MAP2K5: variants seen among roughly 807,000 people sequenced by gnomAD.
MAP2K5 encodes dual specificity mitogen-activated protein kinase kinase 5.
In MAP2K5, 49 loss-of-function variants were observed where a neutral mutation model predicts 83.1. The ratio of observed to expected loss-of-function variants is 0.59; its 90% CI spans 0.47 to 0.75. MAP2K5 has a LOEUF of 0.75. Ranked by LOEUF, MAP2K5 falls within the 30% of genes least tolerant of loss-of-function variation. The probability of loss-of-function intolerance (pLI) is 0.00; values close to 1 mark genes in which losing one functional copy is unlikely to be tolerated. For synonymous variants in MAP2K5, 202 were observed against 191.8 expected, an observed-to-expected ratio of 1.05 and a Z score of -0.44; for missense variants, 457 against 557.5, an observed-to-expected ratio of 0.82 and a Z score of 1.82.
intron 6 of MAP2K5, among the ~76,000 whole-genome samples, chr15:67,590,902 G>T (rs988704878): frequency 6.6e-6 from 1 of 152,218 alleles, no homozygotes; most frequent in Non-Finnish European, 1.5e-5. Context: ...AGGGTGAGAA[G>T]AGAGTGGAGT....
rs990760166 is a variant in MAP2K5, at chr15:67,793,369, G to A, written c.1243-13277G>A. Among the ~76,000 whole-genome samples the A allele has an allele frequency of 3.3e-5, 5 of 152,174 alleles. No individual in the cohort carries two copies. Among genetic ancestry groups the A allele is most frequent in the African/African-American group, 1.2e-4 (5 of 41,438 alleles). ...TACCAGTATCTCCTGATATTGACAC[G>A]AGTAGGGCCATTTGTCCCTAGGCTG... On this transcript the variant is annotated intron_variant, in intron 21 of 21. Transcript: ENST00000178640. The surrounding 1 kb of genome is among the most constrained non-coding windows in gnomAD (Gnocchi z 4.6).
At chr15:67,600,955 A>C (rs553672644) in intron 8 of MAP2K5, among the ~76,000 whole-genome samples, 2 of 151,962 alleles carry the variant, frequency 1.3e-5, no homozygotes, top group East Asian at 1.9e-4. Context: ...CGAGTCTGCA[A>C]CTCTCCTGGG....
intron 15 of MAP2K5, among the ~76,000 whole-genome samples, chr15:67,697,034 A>T (rs2088281916): frequency 6.6e-6 from 1 of 152,204 alleles, no homozygotes; most frequent in Non-Finnish European, 1.5e-5. Context: ...TGATGATTCA[A>T]ACAGTATGTG....
intron 16 of MAP2K5, among the ~76,000 whole-genome samples, chr15:67,712,093 A>G (rs1337979841): frequency 6.6e-6 from 1 of 152,246 alleles, no homozygotes; most frequent in Admixed American, 6.5e-5. Flanking sequence ...CTGGCACCAT[A>G]GAAGTCTGGG....
intron 19 of MAP2K5, among the ~76,000 whole-genome samples, chr15:67,753,381 T>G (rs2089764944): frequency 6.6e-6 from 1 of 152,178 alleles, no homozygotes; most frequent in Non-Finnish European, 1.5e-5. Flanking sequence ...CAAAGGACAC[T>G]ATCAAGACAG....
intron 13 of MAP2K5, among the ~76,000 whole-genome samples, chr15:67,682,006 G>T (rs1472943189): frequency 6.6e-6 from 1 of 152,118 alleles, no homozygotes; most frequent in Admixed American, 6.5e-5. Context: ...CAGAAGAAAG[G>T]CTGTGATGTT....
chr15:67,647,045 T>C (rs1448086213), intron 11 of MAP2K5, among the ~76,000 whole-genome samples: 1 of 152,224 alleles, frequency 6.6e-6, no homozygotes. Flanking sequence ...TAGGGACATA[T>C]CAGTGAAATG....
At chr15:67,789,600 G>C (rs2090479155) in intron 21 of MAP2K5, among the ~76,000 whole-genome samples, 1 of 152,000 alleles carries the variant, frequency 6.6e-6, no homozygotes, top group Admixed American at 6.6e-5. Flanking sequence ...TGTAATTCCA[G>C]CTACTCTGGA....
rs938528196 is a variant in MAP2K5 at position 67,736,313 on chromosome 15, G to A, written c.1074+8368G>A. The stretch of plus-strand genomic sequence containing the variant: ...GAGGACAGTTGGCACATGCCCCTGA[G>A]GGGTTCCCTGCCACCCTTTATGAAT... On this transcript the variant is annotated intron_variant, in intron 17 of 21. Coordinates refer to ENST00000178640, the MANE Select transcript of MAP2K5 (RefSeq NM_145160.3). The surrounding 1 kb of genome is among the most constrained non-coding windows in gnomAD (Gnocchi z 4.3). Among the ~76,000 whole-genome samples the A allele has an allele frequency of 3.3e-5, 5 of 152,234 alleles. No homozygotes were observed. Among genetic ancestry groups the A allele is most frequent in the Non-Finnish European group, 5.9e-5 (4 of 68,048 alleles).
intron 8 of MAP2K5, among the ~76,000 whole-genome samples, chr15:67,607,258 C>T (rs2085798624): frequency 1.3e-5 from 2 of 152,132 alleles, no homozygotes; most frequent in Admixed American, 1.3e-4. Context: ...ATTATAGTAT[C>T]GTGACAAGCA....
At chr15:67,792,426 C>T (rs1054113942) in intron 21 of MAP2K5, among the ~76,000 whole-genome samples, 8 of 152,100 alleles carry the variant, frequency 5.3e-5, no homozygotes, top group Admixed American at 5.2e-4. Flanking sequence ...AAAAATGTTG[C>T]TCTGTATCAA....
At chr15:67,723,601 A>G (rs1168454514) in intron 16 of MAP2K5, among the ~76,000 whole-genome samples, 1 of 152,120 alleles carries the variant, frequency 6.6e-6, no homozygotes, top group Admixed American at 6.6e-5. Flanking sequence ...AGAATCCCTT[A>G]TCTCTACCTC....
Position 67,638,334 on chromosome 15 carries a change from G to C in MAP2K5, c.585+7407G>C, listed in dbSNP as rs2086647705. 2.0e-5 allele frequency among the ~76,000 whole-genome samples: 3 copies of C among 152,164 alleles called. No individual in the cohort carries two copies. Among genetic ancestry groups the C allele is most frequent in the Admixed American group, 2.0e-4 (3 of 15,282 alleles). The stretch of plus-strand genomic sequence containing the variant: ...GAGAACATGTGGTATTCGGTTTCCT[G>C]TTCTTGTGTTAGTTTGCTAAAGATG... On this transcript the variant is annotated intron_variant, in intron 9 of 21. Coordinates refer to ENST00000178640, the MANE Select transcript of MAP2K5 (RefSeq NM_145160.3). This position sits in a 1 kb window ranked among gnomAD's most constrained non-coding sequence, Gnocchi z 4.5.
chr15:67,742,238 G>A (rs1269495196), intron 17 of MAP2K5, among the ~76,000 whole-genome samples: 1 of 152,156 alleles, frequency 6.6e-6, no homozygotes, highest in African/African-American at 2.4e-5. Context: ...GAGAATCATT[G>A]GAATCTCATC....
rs534639763 is a variant in MAP2K5, at chr15:67,764,058, G to A, written c.1135-5544G>A. ...CCTGTTGGCTTGGTGGCTTGACACCGTAAGTCTAGAAGTGGGCTATTAAAA... is the reference window on the plus strand; with the variant it reads ...CCTGTTGGCTTGGTGGCTTGACACCATAAGTCTAGAAGTGGGCTATTAAAA... On this transcript the variant is annotated intron_variant, in intron 19 of 21. Coordinates refer to ENST00000178640, the MANE Select transcript of MAP2K5 (RefSeq NM_145160.3). The surrounding 1 kb of genome is among the most constrained non-coding windows in gnomAD (Gnocchi z 4.9). Among the ~76,000 whole-genome samples, 7 of 152,324 alleles carry A rather than the reference G, an allele frequency of 4.6e-5. No homozygotes were observed. In the South Asian group the frequency reaches 6.2e-4, roughly 14 times the overall value.
In MAP2K5 at chr15:67,542,708, C is replaced by T; in HGVS notation, c.-628C>T. 1 of 154,000 alleles carries T rather than the reference C, an allele frequency of 6.5e-6. No homozygotes were observed. Among genetic ancestry groups the T allele is most frequent in the Non-Finnish European group, 1.4e-5 (1 of 69,086 alleles). The allele number at this position is 154,000 out of a possible 1,614,324, so 9.5% of individuals were successfully genotyped here. ...GGAGTAACAGTGTCGCCGCCGCCTT[C>T]CTCCTCCTCCTCTCGCCGCTACCGC... On this transcript the variant is annotated 5_prime_UTR_variant, in exon 1 of 22. Transcript: ENST00000178640.
At chr15:67,715,488 G>A (rs1257218472) in intron 16 of MAP2K5, among the ~76,000 whole-genome samples, 2 of 152,096 alleles carry the variant, frequency 1.3e-5, no homozygotes, top group Non-Finnish European at 2.9e-5. Context: ...CAGAGCTGTC[G>A]GGAACAACCA....
At chr15:67,707,060 C>T (rs1180906516) in intron 16 of MAP2K5, among the ~76,000 whole-genome samples, 6 of 152,122 alleles carry the variant, frequency 3.9e-5, no homozygotes, top group South Asian at 2.1e-4. Flanking sequence ...GGACTACAAG[C>T]GCGTGCCACC....
In MAP2K5 at chr15:67,781,353, G is replaced by C. The variant is rs1201832497; in HGVS notation, c.1242+8601G>C. The stretch of plus-strand genomic sequence containing the variant: ...GCTGGATTTGTTTAATGGGTTGTTT[G>C]CTTTTTAATTTGTAGCAGTTTTGAG... On this transcript the variant is annotated intron_variant, in intron 21 of 21. Transcript: ENST00000178640. The surrounding 1 kb of genome is among the most constrained non-coding windows in gnomAD (Gnocchi z 4.0). Among the ~76,000 whole-genome samples the C allele has an allele frequency of 6.6e-6, 1 of 152,178 alleles. No individual in the cohort carries two copies. Among genetic ancestry groups the C allele is most frequent in the Non-Finnish European group, 1.5e-5 (1 of 68,010 alleles).
Sources: gnomAD v4.1 joint callset for allele counts (sites outside exome capture counted in the v4.1 genomes callset) on GRCh38, gnomAD v4.1.1 for gene constraint, Gnocchi (gnomAD v3.1) non-coding constraint, MANE v1.5 for transcripts, NCBI Gene and HGNC (gene_info 2026-07-23, HGNC 2026-07-21) for gene names.